RGS17: variants seen among roughly 807,000 people sequenced by gnomAD.
The protein encoded by RGS17 is regulator of G protein signaling 17, also known as regulator of G-protein signaling 17.
RGS17 carries 12 observed loss-of-function variants against 25.5 expected under a neutral mutation model. The observed-to-expected ratio is 0.47, with a 90% CI of 0.30 to 0.76. The LOEUF is 0.76. Among genes scored for constraint, RGS17 ranks in the 30% least tolerant of loss-of-function variants. RGS17 has a pLI of 0.07. For synonymous variants in RGS17, 71 were observed against 76.9 expected, an observed-to-expected ratio of 0.92 and a Z score of 0.40; for missense variants, 196 against 242.2, an observed-to-expected ratio of 0.81 and a Z score of 1.27.
At chr6:153,081,545 T>G (rs74651148) in intron 1 of RGS17, among the ~76,000 whole-genome samples, 11,765 of 152,158 alleles carry the variant, frequency 0.077, 624 homozygotes, top group East Asian at 0.17. Context: ...TTTAGACCGT[T>G]TGCATTTAAA....
chr6:153,025,400 T>C (rs1035377004), intron 3 of RGS17, among the ~76,000 whole-genome samples: 2 of 152,002 alleles, frequency 1.3e-5, no homozygotes, highest in Non-Finnish European at 2.9e-5. Flanking sequence ...AGCAGAGTGC[T>C]TCTATAATGA....
At chr6:153,093,848 A>G (rs975105989) in intron 1 of RGS17, among the ~76,000 whole-genome samples, 1 of 152,108 alleles carries the variant, frequency 6.6e-6, no homozygotes, top group Admixed American at 6.6e-5. Context: ...TACCTATACT[A>G]AATCCCTGGG....
chr6:153,094,080 A>C (rs1231061033), intron 1 of RGS17, among the ~76,000 whole-genome samples: 1 of 137,604 alleles, frequency 7.3e-6, no homozygotes, highest in Non-Finnish European at 1.6e-5. Flanking sequence ...ATCTATACTG[A>C]ACTTTTTTTT....
At chr6:153,066,467 T>A (rs1387527798) in intron 1 of RGS17, among the ~76,000 whole-genome samples, 3 of 151,732 alleles carry the variant, frequency 2.0e-5, no homozygotes, top group African/African-American at 7.3e-5. Flanking sequence ...TTCTGAAAAA[T>A]AGAGGAGGAG....
chr6:153,086,018 C>A (rs1351848857), intron 1 of RGS17, among the ~76,000 whole-genome samples: 1 of 152,150 alleles, frequency 6.6e-6, no homozygotes, highest in Non-Finnish European at 1.5e-5. Flanking sequence ...GTCTGAGAGA[C>A]AGACTTCTGA....
chr6:153,071,017 A>G (rs932137010), intron 1 of RGS17, among the ~76,000 whole-genome samples: 8 of 150,420 alleles, frequency 5.3e-5, no homozygotes, highest in African/African-American at 1.9e-4. Context: ...ATATGCACGT[A>G]TGTGTATATG....
At chr6:153,038,521 G>A (rs898595833) in intron 2 of RGS17, among the ~76,000 whole-genome samples, 3 of 152,148 alleles carry the variant, frequency 2.0e-5, no homozygotes, top group African/African-American at 7.2e-5. Context: ...TGGAAATCTT[G>A]TGCAGTGTGA....
At chr6:153,053,830 T>C (rs112150385) in intron 1 of RGS17, among the ~76,000 whole-genome samples, 8,552 of 147,330 alleles carry the variant, frequency 0.058, 830 homozygotes, top group African/African-American at 0.2. Flanking sequence ...GAAAGAAAAA[T>C]AGAGTTTTGG....
chr6:153,064,522 C>T (rs1000531983), intron 1 of RGS17, among the ~76,000 whole-genome samples: 9 of 151,448 alleles, frequency 5.9e-5, no homozygotes, highest in African/African-American at 2.2e-4. Context: ...CCCAGCTACT[C>T]GGCAGGCTGA....
intron 1 of RGS17, among the ~76,000 whole-genome samples, chr6:153,115,748 C>T (rs1777534884): frequency 6.6e-6 from 1 of 152,134 alleles, no homozygotes; most frequent in African/African-American, 2.4e-5. Context: ...TGGAACAGAA[C>T]AGAGGCCTCA....
intron 1 of RGS17, among the ~76,000 whole-genome samples, chr6:153,047,537 C>T (rs1000167003): frequency 2.6e-5 from 4 of 152,152 alleles, no homozygotes; most frequent in African/African-American, 9.7e-5. Flanking sequence ...AAGTCCAAAC[C>T]CCAATTGTGA....
At chr6:153,096,172 A>G (rs1210244124) in intron 1 of RGS17, among the ~76,000 whole-genome samples, 2 of 150,346 alleles carry the variant, frequency 1.3e-5, no homozygotes, top group Non-Finnish European at 3.0e-5. Flanking sequence ...TGCTAAGACG[A>G]GGGAAGGAGG....
intron 1 of RGS17, among the ~76,000 whole-genome samples, chr6:153,075,079 A>T (rs1776859403): frequency 6.6e-6 from 1 of 152,204 alleles, no homozygotes; most frequent in Admixed American, 6.5e-5. Flanking sequence ...AATATAGATA[A>T]ATGAGTTCAT....
chr6:153,090,228 G>T (rs764003505), intron 1 of RGS17, among the ~76,000 whole-genome samples: 6 of 152,040 alleles, frequency 3.9e-5, no homozygotes, highest in Non-Finnish European at 7.4e-5. Context: ...AACAGGTAGA[G>T]GTAAAAATAT....
intron 1 of RGS17, among the ~76,000 whole-genome samples, chr6:153,081,778 A>G (rs981676914): frequency 1.3e-5 from 2 of 152,178 alleles, no homozygotes; most frequent in African/African-American, 4.8e-5. Context: ...GAAATATTTA[A>G]GGAAAAAAAG....
intron 1 of RGS17, among the ~76,000 whole-genome samples, chr6:153,048,598 T>C (rs1295023810): frequency 6.6e-6 from 1 of 152,214 alleles, no homozygotes; most frequent in African/African-American, 2.4e-5. Context: ...CTGCCTCTTG[T>C]TGTCTGTTTC....
chr6:153,056,454 C>A (rs893348119), intron 1 of RGS17, among the ~76,000 whole-genome samples: 6 of 152,108 alleles, frequency 3.9e-5, no homozygotes, highest in African/African-American at 1.4e-4. Flanking sequence ...ACTCTTTATT[C>A]CATATATGGA....
chr6:153,049,763 T>G lies in RGS17; in HGVS notation c.-25-5720A>C, dbSNP rs77865092. Among the ~76,000 whole-genome samples the G allele has an allele frequency of 2.1e-4, 19 of 92,048 alleles. No homozygotes were observed. The South Asian group carries it at 3.9e-3, about 19-fold the overall frequency. The allele number at this position is 92,048 out of a possible 152,430, so 60.4% of individuals were successfully genotyped here. On this transcript the variant is annotated intron_variant, in intron 1 of 4. Transcript: ENST00000206262. The stretch of plus-strand genomic sequence containing the variant: ...GAGACTCCTTCTCAAAATAAATAAA[T>G]AAATAAATAAATAAATTCAATGTGA...
chr6:153,020,930 C>T (rs1446125659), intron 4 of RGS17, among the ~76,000 whole-genome samples: 1 of 152,044 alleles, frequency 6.6e-6, no homozygotes, highest in African/African-American at 2.4e-5. Context: ...TAAGGAGGAC[C>T]ATGATGGATA....
Sources: allele counts gnomAD v4.1 joint callset (sites outside exome capture counted in the v4.1 genomes callset), GRCh38; gene constraint gnomAD v4.1.1; transcripts MANE v1.5; gene names NCBI Gene and HGNC (gene_info 2026-07-23, HGNC 2026-07-21).